The following UBE2D3 variants were observed in gnomAD, a reference collection of about 807,000 sequenced individuals.
UBE2D3 encodes the protein ubiquitin conjugating enzyme E2 D3.
Under a neutral mutation model 22.8 loss-of-function variants are expected in UBE2D3, and 2 were observed. The observed-to-expected ratio is 0.09, with a 90% CI of 0.04 to 0.28. The LOEUF is 0.28. UBE2D3 is among the 10% of genes least tolerant of loss of function. The pLI is 1.00. For synonymous variants in UBE2D3, 56 were observed against 60.4 expected (o/e 0.93, Z 0.34); for missense variants, 27 against 182.5 (o/e 0.15, Z 4.91).
At chr4:102,799,017 G>T in intron 7 of UBE2D3, 2 of 1,552,960 alleles carry the variant, frequency 1.3e-6, no homozygotes, top group South Asian at 1.1e-5. Flanking sequence ...TATAACATAT[G>T]AAAGTTATAA....
intron 2 of UBE2D3, among the ~76,000 whole-genome samples, chr4:102,813,240 G>A (rs1047596733): frequency 6.6e-6 from 1 of 152,150 alleles, no homozygotes; most frequent in African/African-American, 2.4e-5. Flanking sequence ...CTATTCACAG[G>A]CGGAATCACA....
At chr4:102,833,624 T>C (rs1731230546) in intron 1 of UBE2D3, among the ~76,000 whole-genome samples, 2 of 152,240 alleles carry the variant, frequency 1.3e-5, no homozygotes, top group East Asian at 3.8e-4. Flanking sequence ...GTGGAATTTG[T>C]TGAGTTTGAC....
At chr4:102,799,597 TTTTA>T (rs1203586613) in intron 6 of UBE2D3, 97 bp from the exon 7 acceptor site, 1 of 815,708 alleles carries the variant, frequency 1.2e-6, no homozygotes, top group Non-Finnish European at 1.9e-6. Context: ...CTCAAAAGAC[TTTTA>T]TTAGTTTGTA....
At chr4:102,854,355 C>T (rs1040868796) in intron 1 of UBE2D3, among the ~76,000 whole-genome samples, 1 of 151,942 alleles carries the variant, frequency 6.6e-6, no homozygotes, top group Admixed American at 6.6e-5. Context: ...AATGATACTA[C>T]AGTTCAATTT....
intron 1 of UBE2D3, 185 bp downstream of exon 1, chr4:102,827,242 G>T: frequency 1.0e-6 from 1 of 972,980 alleles, no homozygotes; most frequent in African/African-American, 1.7e-5. Flanking sequence ...TAGGCGCGAG[G>T]ACGCGCCCAT....
At chr4:102,806,892 C>A (rs942948016) in intron 4 of UBE2D3, among the ~76,000 whole-genome samples, 3 of 151,958 alleles carry the variant, frequency 2.0e-5, no homozygotes, top group South Asian at 2.1e-4. Flanking sequence ...TCATTTCTTT[C>A]GAAGGTTTAG....
intron 1 of UBE2D3, among the ~76,000 whole-genome samples, chr4:102,847,695 G>A (rs1732109862): frequency 6.6e-6 from 1 of 152,140 alleles, no homozygotes; most frequent in Middle Eastern, 3.4e-3. Context: ...CCAGGCTGGA[G>A]TGCAGTGGCA....
chr4:102,796,122 C>T lies in UBE2D3; in HGVS notation c.*1293G>A, dbSNP rs1049503878. 1 of 152,390 alleles carries T rather than the reference C, an allele frequency of 6.6e-6. No homozygotes were observed. The highest frequency in any genetic ancestry group is 1.5e-5 in the Non-Finnish European group (1 of 67,888). The allele number at this position is 152,390 out of a possible 1,614,324, so 9.4% of individuals were successfully genotyped here. A position where few individuals can be genotyped will look rare whatever the true frequency, so the allele number is the denominator to read the frequency against. ...CATAGATAAGTCACTTCAACACAGCCTCATGACAACTCCCACACCAAAACA... is the reference window on the plus strand; with the variant it reads ...CATAGATAAGTCACTTCAACACAGCTTCATGACAACTCCCACACCAAAACA... On this transcript the variant is annotated 3_prime_UTR_variant, in exon 8 of 8. Coordinates refer to ENST00000453744, the MANE Select transcript of UBE2D3 (RefSeq NM_181891.3).
chr4:102,862,355 TTAG>T (rs1295194085), intron 1 of UBE2D3, among the ~76,000 whole-genome samples: 1 of 151,982 alleles, frequency 6.6e-6, no homozygotes, highest in East Asian at 1.9e-4. Flanking sequence ...AAAAAATTGA[TTAG>T]TTTCTCATAT....
At chr4:102,802,485 T>C (rs1578223487) in intron 5 of UBE2D3, 76 bp downstream of exon 5, 4 of 1,258,098 alleles carry the variant, frequency 3.2e-6, no homozygotes, top group East Asian at 4.8e-5. Flanking sequence ...CACAGAACCC[T>C]ATCTTCCAAG....
intron 2 of UBE2D3, among the ~76,000 whole-genome samples, chr4:102,820,017 G>A (rs75729414): frequency 0.015 from 2,358 of 152,294 alleles, 60 homozygotes; most frequent in African/African-American, 0.051. Context: ...CTGCTTTGGG[G>A]ACTGGAAGAG....
At chr4:102,814,810 C>A (rs1034363907) in intron 2 of UBE2D3, among the ~76,000 whole-genome samples, 1 of 152,020 alleles carries the variant, frequency 6.6e-6, no homozygotes, top group Non-Finnish European at 1.5e-5. Flanking sequence ...ACACATGGGC[C>A]ACATAATATA....
intron 1 of UBE2D3, among the ~76,000 whole-genome samples, chr4:102,842,609 C>T (rs1042061957): frequency 2.6e-5 from 4 of 151,780 alleles, no homozygotes; most frequent in African/African-American, 9.7e-5. Flanking sequence ...TGGTTTTGAT[C>T]ATACTTCTGC....
chr4:102,797,800 A>G (rs1725439130), intron 7 of UBE2D3, among the ~76,000 whole-genome samples: 1 of 152,042 alleles, frequency 6.6e-6, no homozygotes. Flanking sequence ...ATTATGGACA[A>G]ATGTTAAAAT....
chr4:102,809,959 A>G, intron 2 of UBE2D3, 104 bp from the exon 3 acceptor site: 2 of 1,071,432 alleles, frequency 1.9e-6, no homozygotes, highest in Non-Finnish European at 2.8e-6. Flanking sequence ...TTAAAGGCAC[A>G]CTCCATCACA....
At chr4:102,809,546 A>T (rs1011633783) in intron 4 of UBE2D3, 126 bp downstream of exon 4, 18 of 1,015,212 alleles carry the variant, frequency 1.8e-5, no homozygotes, top group Non-Finnish European at 2.4e-5. Flanking sequence ...ATGCAGTACA[A>T]CTATGGAATA....
rs569795469 is a variant in UBE2D3, at chr4:102,796,441, A to T, written c.*974T>A. 2.0e-4 allele frequency: 31 copies of T among 152,584 alleles called. No individual in the cohort carries two copies. The South Asian group carries it at 6.4e-3, about 32-fold the overall frequency. 9.5% of individuals were successfully genotyped at this position (152,584 alleles called of 1,614,324 possible). ...AACCTGTAACAGACTGTGCACTTTAACTGAACATGGCAAAATATTCACTCT... is the reference window on the plus strand; with the variant it reads ...AACCTGTAACAGACTGTGCACTTTATCTGAACATGGCAAAATATTCACTCT... On this transcript the variant is annotated 3_prime_UTR_variant, in exon 8 of 8. Transcript: ENST00000453744.
intron 1 of UBE2D3, among the ~76,000 whole-genome samples, chr4:102,854,613 C>G (rs544344223): frequency 3.3e-5 from 5 of 152,312 alleles, no homozygotes; most frequent in African/African-American, 1.2e-4. Flanking sequence ...GACAATATAG[C>G]AACTCCAGCT....
chr4:102,820,896 A>G (rs1729497347), intron 2 of UBE2D3, among the ~76,000 whole-genome samples: 1 of 152,184 alleles, frequency 6.6e-6, no homozygotes, highest in Non-Finnish European at 1.5e-5. Flanking sequence ...CAATTGACAA[A>G]CATTTAAATA....
Sources: allele counts gnomAD v4.1 joint callset (sites outside exome capture counted in the v4.1 genomes callset), GRCh38; gene constraint gnomAD v4.1.1; transcripts MANE v1.5; gene names NCBI Gene and HGNC (gene_info 2026-07-23, HGNC 2026-07-21).